MAD1L1: variants seen among roughly 807,000 people sequenced by gnomAD.
The protein encoded by MAD1L1 is mitotic spindle assembly checkpoint protein MAD1.
In MAD1L1, 95 loss-of-function variants were observed where a neutral mutation model predicts 96.9. The ratio of observed to expected loss-of-function variants is 0.98; its 90% CI spans 0.83 to 1.16. The LOEUF (loss-of-function observed/expected upper bound fraction) is 1.16. MAD1L1 is among the 50% of genes most tolerant of loss of function. The pLI, the probability that MAD1L1 is intolerant of heterozygous loss-of-function variation, is 0.00. For missense variants in MAD1L1, 1,007 were observed against 954.4 expected (o/e 1.06, Z -0.73); for synonymous variants, 473 against 396.6 (o/e 1.19, Z -2.29).
At position 2,029,966 on chromosome 7, in the gene MAD1L1, C is replaced by G. The variant is rs377088738; in HGVS notation, c.1219-15324G>C. ...CAAGATCATCCCTAGCGCCCAGACA[C>G]GAGTGCCAGGAGAAAGGTCTCTGGA... is the stretch of plus-strand genomic sequence containing the variant. On this transcript the variant is annotated intron_variant, in intron 12 of 18. Transcript: ENST00000265854. 1.0e-3 allele frequency among the ~76,000 whole-genome samples: 152 copies of G among 152,308 alleles called. No individual in the cohort carries two copies. The South Asian group carries it at 0.012, about 12-fold the overall frequency.
At chr7:2,138,413 C>T (rs922795886) in intron 11 of MAD1L1, among the ~76,000 whole-genome samples, 1 of 152,186 alleles carries the variant, frequency 6.6e-6, no homozygotes, top group Non-Finnish European at 1.5e-5. Flanking sequence ...CTGAGAACCA[C>T]GACGAGGTGG....
chr7:1,935,356 C>T (rs748606917), intron 17 of MAD1L1, among the ~76,000 whole-genome samples: 4 of 152,210 alleles, frequency 2.6e-5, no homozygotes, highest in Admixed American at 1.3e-4. Flanking sequence ...AAGGAGCCCC[C>T]GACTGCCATC....
chr7:2,207,878 T>C (rs546776025), intron 10 of MAD1L1, among the ~76,000 whole-genome samples: 3 of 152,196 alleles, frequency 2.0e-5, no homozygotes, highest in Admixed American at 2.0e-4. Context: ...GGGGCACAGA[T>C]GTGTGGGACT....
intron 18 of MAD1L1, among the ~76,000 whole-genome samples, chr7:1,873,420 G>A (rs993027914): frequency 1.1e-4 from 17 of 151,944 alleles, no homozygotes; most frequent in African/African-American, 4.1e-4. Context: ...TGGCATTTGG[G>A]CTGAGTCCTG....
chr7:2,023,315 T>C (rs572757342), intron 12 of MAD1L1, among the ~76,000 whole-genome samples: 2 of 152,228 alleles, frequency 1.3e-5, no homozygotes, highest in East Asian at 3.9e-4. Flanking sequence ...TTAAAAAGAA[T>C]ATAAAGTATA....
intron 11 of MAD1L1, chr7:2,107,808 G>A (rs1787176457): frequency 6.6e-6 from 1 of 152,254 alleles, no homozygotes; most frequent in African/African-American, 2.4e-5. Flanking sequence ...GTCGGAGATG[G>A]TAAATGCTTG....
chr7:2,219,119 T>C (rs144237729), intron 6 of MAD1L1, among the ~76,000 whole-genome samples: 6 of 152,172 alleles, frequency 3.9e-5, no homozygotes, highest in African/African-American at 1.2e-4. Context: ...GGGGAGGAAG[T>C]TGCTGCCCCC....
chr7:1,963,812 T>C (rs1780047225), intron 15 of MAD1L1, among the ~76,000 whole-genome samples: 1 of 152,184 alleles, frequency 6.6e-6, no homozygotes, highest in Admixed American at 6.5e-5. Context: ...GCAACAATGC[T>C]TCGCTCCTCT....
At chr7:1,923,572 G>T (rs1788924937) in intron 17 of MAD1L1, among the ~76,000 whole-genome samples, 1 of 152,128 alleles carries the variant, frequency 6.6e-6, no homozygotes, top group South Asian at 2.1e-4. Flanking sequence ...TAGAGCCCAA[G>T]AGTGGGCCCC....
At chr7:1,917,666 C>T (rs899312153) in intron 17 of MAD1L1, among the ~76,000 whole-genome samples, 2 of 152,222 alleles carry the variant, frequency 1.3e-5, no homozygotes, top group Non-Finnish European at 2.9e-5. Context: ...GTCGCGGCGA[C>T]GGAGCTGCTT....
At chr7:1,841,306 C>T (rs1424733624) in intron 18 of MAD1L1, among the ~76,000 whole-genome samples, 4 of 152,246 alleles carry the variant, frequency 2.6e-5, no homozygotes, top group Non-Finnish European at 5.9e-5. Context: ...CTCCGCGTCT[C>T]GCCCGGCTGC....
At chr7:1,871,314 C>T (rs1348287514) in intron 18 of MAD1L1, among the ~76,000 whole-genome samples, 80 of 138,782 alleles carry the variant, frequency 5.8e-4, no homozygotes, top group Admixed American at 5.5e-3. Context: ...ACCCAACATA[C>T]GCCTGCCACG....
At chr7:1,895,911 G>C (rs1562499581) in intron 18 of MAD1L1, among the ~76,000 whole-genome samples, 1 of 152,268 alleles carries the variant, frequency 6.6e-6, no homozygotes, top group Non-Finnish European at 1.5e-5. Context: ...TGGAGGATGG[G>C]CAGTGAGGGG....
At chr7:1,945,671 T>C (rs1193053629) in intron 16 of MAD1L1, among the ~76,000 whole-genome samples, 1 of 152,188 alleles carries the variant, frequency 6.6e-6, no homozygotes, top group Non-Finnish European at 1.5e-5. Flanking sequence ...GAGCCCTCTT[T>C]CATGTATTCT....
At chr7:2,181,966 T>G (rs970410592) in intron 10 of MAD1L1, among the ~76,000 whole-genome samples, 2 of 151,980 alleles carry the variant, frequency 1.3e-5, no homozygotes, top group Admixed American at 6.6e-5. Context: ...CACTTATAAG[T>G]GGAAGCTAAG....
At chr7:1,962,791 T>TA (rs945959124) in intron 15 of MAD1L1, among the ~76,000 whole-genome samples, 4 of 152,126 alleles carry the variant, frequency 2.6e-5, no homozygotes, top group African/African-American at 9.6e-5. Flanking sequence ...TGAAAACCTT[T>TA]AAAAAACTAG....
At chr7:1,934,926 C>T (rs965058420) in intron 17 of MAD1L1, among the ~76,000 whole-genome samples, 18 of 150,886 alleles carry the variant, frequency 1.2e-4, no homozygotes, top group African/African-American at 3.9e-4. Context: ...GACAAACAGA[C>T]GGGTGAACCC....
At chr7:1,984,163 A>G (rs948481307) in intron 14 of MAD1L1, among the ~76,000 whole-genome samples, 17 of 152,316 alleles carry the variant, frequency 1.1e-4, no homozygotes, top group African/African-American at 4.1e-4. Flanking sequence ...ACTTCTTTGA[A>G]CCAAGAATTG....
At chr7:2,078,251 G>A (rs764379952) in intron 11 of MAD1L1, among the ~76,000 whole-genome samples, 18 of 152,122 alleles carry the variant, frequency 1.2e-4, no homozygotes, top group Admixed American at 3.9e-4. Flanking sequence ...AGAGGGTCCC[G>A]CCTACCTGCA....
Sources: gnomAD v4.1 joint callset for allele counts (sites outside exome capture counted in the v4.1 genomes callset) on GRCh38, gnomAD v4.1.1 for gene constraint, MANE v1.5 for transcripts, NCBI Gene and HGNC (gene_info 2026-07-23, HGNC 2026-07-21) for gene names.